Variants in SCML4 observed in about 807,000 individuals in gnomAD.
SCML4 encodes the protein sex comb on midleg-like protein 4.
A neutral mutation model predicts 41.1 loss-of-function variants in SCML4; 34 were observed. The observed-to-expected ratio is 0.83, with a 90% CI of 0.63 to 1.10. The LOEUF is 1.10. SCML4 is among the 50% of genes least tolerant of loss of function. The pLI, the probability that SCML4 is intolerant of heterozygous loss-of-function variation, is 0.00. For missense variants in SCML4, 522 were observed against 534.1 expected (o/e 0.98, Z 0.22); for synonymous variants, 214 against 220.9 (o/e 0.97, Z 0.28).
intron 5 of SCML4, among the ~76,000 whole-genome samples, chr6:107,732,988 G>C (rs1047709076): frequency 6.6e-6 from 1 of 152,204 alleles, no homozygotes; most frequent in Non-Finnish European, 1.5e-5. Flanking sequence ...AAGTTGCTGT[G>C]CTGTGAGATG....
chr6:107,779,008 G>A (rs1781264437), intron 1 of SCML4, among the ~76,000 whole-genome samples: 1 of 151,972 alleles, frequency 6.6e-6, no homozygotes, highest in African/African-American at 2.4e-5. Context: ...GTGAAACCCC[G>A]TCTCTACTAA....
intron 5 of SCML4, among the ~76,000 whole-genome samples, chr6:107,743,389 T>A (rs925034109): frequency 1.3e-5 from 2 of 152,210 alleles, no homozygotes; most frequent in African/African-American, 4.8e-5. Flanking sequence ...TGCTGCTTTA[T>A]GATGATGTCC....
At chr6:107,802,850 T>C (rs1393529806) in intron 1 of SCML4, among the ~76,000 whole-genome samples, 4 of 151,596 alleles carry the variant, frequency 2.6e-5, no homozygotes, top group Non-Finnish European at 4.4e-5. Flanking sequence ...CCTGCCTGAT[T>C]CTCCTGCCTC....
chr6:107,799,215 T>A (rs1212994273), intron 1 of SCML4, among the ~76,000 whole-genome samples: 2 of 152,186 alleles, frequency 1.3e-5, no homozygotes, highest in Non-Finnish European at 2.9e-5. Flanking sequence ...TTCTGTATGT[T>A]TTTGCTACAT....
intron 5 of SCML4, among the ~76,000 whole-genome samples, chr6:107,739,060 A>G (rs1777344011): frequency 6.6e-6 from 1 of 152,184 alleles, no homozygotes; most frequent in Non-Finnish European, 1.5e-5. Flanking sequence ...ATCTTCTGAG[A>G]GTTCCATCTG....
chr6:107,771,005 A>G (rs1780472720), intron 2 of SCML4, among the ~76,000 whole-genome samples: 1 of 152,218 alleles, frequency 6.6e-6, no homozygotes, highest in Non-Finnish European at 1.5e-5. Context: ...TAAAGCTGGC[A>G]TGCACATGAA....
At chr6:107,712,145 G>A (rs538794376) in intron 6 of SCML4, among the ~76,000 whole-genome samples, 1 of 152,168 alleles carries the variant, frequency 6.6e-6, no homozygotes, top group Non-Finnish European at 1.5e-5. Flanking sequence ...ACATGGGGAC[G>A]AGGAATCACG....
At position 107,703,512 on chromosome 6, in the gene SCML4, G is replaced by A. The variant is rs147318907; in HGVS notation, c.*1688C>T. ...TACTGCACATGAAAGTGGGCCTAAC[G>A]GCATGGCATGGACTATTTCTTATGG... On this transcript the variant is annotated 3_prime_UTR_variant, in exon 8 of 8. Coordinates refer to ENST00000369020, the MANE Select transcript of SCML4 (RefSeq NM_198081.5). Among the ~76,000 whole-genome samples, 176 of 152,330 alleles carry A rather than the reference G, an allele frequency of 1.2e-3. 1 individual carries two copies. The highest frequency in any genetic ancestry group is 3.5e-3 in the African/African-American group (147 of 41,576).
chr6:107,736,075 C>CT (rs1777039379), intron 5 of SCML4, among the ~76,000 whole-genome samples: 1 of 152,104 alleles, frequency 6.6e-6, no homozygotes, highest in East Asian at 1.9e-4. Context: ...GAGGAAGTTC[C>CT]CTGGCAGCTG....
intron 1 of SCML4, among the ~76,000 whole-genome samples, chr6:107,787,440 C>T (rs760749592): frequency 2.6e-5 from 4 of 152,130 alleles, no homozygotes; most frequent in Middle Eastern, 3.2e-3. Context: ...AGGAAAGACA[C>T]CTTAGAATGC....
At chr6:107,747,321 C>T (rs537126366) in intron 3 of SCML4, among the ~76,000 whole-genome samples, 2 of 152,246 alleles carry the variant, frequency 1.3e-5, no homozygotes, top group South Asian at 4.1e-4. Context: ...ACAAAAAAAT[C>T]AAGATGCCAC....
At chr6:107,773,919 T>C (rs1031321884) in intron 1 of SCML4, among the ~76,000 whole-genome samples, 1 of 152,248 alleles carries the variant, frequency 6.6e-6, no homozygotes, top group African/African-American at 2.4e-5. Flanking sequence ...ACAAGATTGC[T>C]CTGCTCAGGA....
chr6:107,759,749 G>C (rs1019939404), intron 2 of SCML4, among the ~76,000 whole-genome samples: 3 of 152,154 alleles, frequency 2.0e-5, no homozygotes, highest in African/African-American at 7.2e-5. Context: ...TAATACTAAA[G>C]TAATAAACCT....
chr6:107,826,906 A>C (rs980486702), upstream of SCML4, among the ~76,000 whole-genome samples: 1 of 135,478 alleles, frequency 7.4e-6, no homozygotes, highest in African/African-American at 3.4e-5. Flanking sequence ...TACTAAAAAT[A>C]CAAAAAATTA....
At chr6:107,738,388 G>A (rs1217681740) in intron 5 of SCML4, among the ~76,000 whole-genome samples, 7 of 152,138 alleles carry the variant, frequency 4.6e-5, no homozygotes, top group African/African-American at 1.2e-4. Context: ...TTGGGAGGCC[G>A]AAGCGGGCAG....
At chr6:107,758,417 A>C (rs1779279375) in intron 2 of SCML4, among the ~76,000 whole-genome samples, 1 of 152,246 alleles carries the variant, frequency 6.6e-6, no homozygotes, top group Non-Finnish European at 1.5e-5. Flanking sequence ...GGTTGAGATA[A>C]TGGCAGTTTT....
intron 1 of SCML4, among the ~76,000 whole-genome samples, chr6:107,821,802 T>C (rs1025413657): frequency 1.7e-4 from 26 of 152,292 alleles, no homozygotes; most frequent in African/African-American, 6.3e-4. Flanking sequence ...TGCAGATCCC[T>C]AACAGGGCCC....
intron 1 of SCML4, among the ~76,000 whole-genome samples, chr6:107,813,370 T>TTATATATATATATATATA (rs543060112): frequency 2.4e-5 from 1 of 42,472 alleles, no homozygotes; most frequent in Admixed American, 3.5e-4. Flanking sequence ...CTCAAAAAAA[T>TTATATATATATATATATA]TATATATATA....
chr6:107,821,637 T>TCC (rs371012644), intron 1 of SCML4, among the ~76,000 whole-genome samples: 3 of 152,200 alleles, frequency 2.0e-5, no homozygotes, highest in African/African-American at 7.2e-5. Context: ...CTGGAGATGC[T>TCC]TGGTATCCTA....
Sources: allele counts gnomAD v4.1 joint callset (sites outside exome capture counted in the v4.1 genomes callset), GRCh38; gene constraint gnomAD v4.1.1; transcripts MANE v1.5; gene names NCBI Gene and HGNC (gene_info 2026-07-23, HGNC 2026-07-21).